The following AWAT1 variants were observed in gnomAD, a reference collection of about 807,000 sequenced individuals.
AWAT1 encodes diacyl-glycerol acyltransferase 2.
A neutral mutation model predicts 21.6 loss-of-function variants in AWAT1; 26 were observed. That is an observed-to-expected ratio of 1.20 (90% confidence interval 0.88 to 1.67). AWAT1 has a LOEUF of 1.67. AWAT1 is among the 40% of genes most tolerant of loss of function. AWAT1 has a pLI of 0.00. For synonymous variants in AWAT1, 102 were observed against 99.3 expected (o/e 1.03, Z -0.16); for missense variants, 264 against 249.4 (o/e 1.06, Z -0.39).
In AWAT1 at chrX:70,240,200, T is replaced by A. The variant is rs914258566; in HGVS notation, c.897T>A (p.His299Gln). The change falls in exon 7 of 7, where the codon CAT becomes CAA. Residue 299 changes from histidine (H) to glutamine (Q), a missense_variant. Coordinates refer to ENST00000374521, the MANE Select transcript of AWAT1 (RefSeq NM_001013579.3). ...KPSQEMVDKY[H>Q]ALYMDALHKL... is the part of the protein sequence containing the mutation. ...GCCAGGAGATGGTGGACAAATACCA[T>A]GCACTTTATATGGATGCTCTGCACA... 3.7e-5 allele frequency: 45 copies of A among 1,209,669 alleles called. No individual in the cohort carries two copies. The highest frequency in any genetic ancestry group is 5.0e-5 in the Non-Finnish European group (45 of 894,842).
At chrX:70,236,943 C>A (rs2085516797) in intron 3 of AWAT1, 101 bp from the exon 4 acceptor site, 7 of 764,854 alleles carry the variant, frequency 9.2e-6, no homozygotes, top group Non-Finnish European at 1.1e-5. Context: ...TGTTGGAAAG[C>A]TCTGCTTTAG....
At chrX:70,235,866 C>G (rs762667151) in intron 2 of AWAT1, 43 bp downstream of exon 2, 36 of 1,108,017 alleles carry the variant, frequency 3.2e-5, no homozygotes, top group South Asian at 9.2e-5. Context: ...CCATCATAAC[C>G]TGCAGCCAGA....
At chrX:70,239,019 A>T (rs2085527069) in intron 5 of AWAT1, among the ~76,000 whole-genome samples, 1 of 112,642 alleles carries the variant, frequency 8.9e-6, no homozygotes. Flanking sequence ...GTCGTATTGC[A>T]GACCTAGAGA....
At chrX:70,237,419 A>T in intron 4 of AWAT1, 171 bp downstream of exon 4, 1 of 466,228 alleles carries the variant, frequency 2.1e-6, no homozygotes, top group Non-Finnish European at 3.6e-6. Flanking sequence ...TCCTAGCTCT[A>T]CCACTTGTGT....
rs1379310925 is a variant in AWAT1 at position 70,240,426 on chromosome X, C to T, written c.*136C>T. ...AGGGCATGAGGAATTCCTTCTTTGC[C>T]TTCTTGCCACAGGGTCCTTACAGGA... On this transcript the variant is annotated 3_prime_UTR_variant, in exon 7 of 7. Coordinates refer to ENST00000374521, the MANE Select transcript of AWAT1 (RefSeq NM_001013579.3). 33 of 677,882 alleles carry T rather than the reference C, an allele frequency of 4.9e-5. No homozygotes were observed. The highest frequency in any genetic ancestry group is 6.3e-5 in the Non-Finnish European group (29 of 457,510). The allele number at this position is 677,882 out of a possible 1,213,427, so 55.9% of individuals were successfully genotyped here.
At position 70,240,519 on chromosome X, in the gene AWAT1, G is replaced by T. The variant is rs192408169; in HGVS notation, c.*229G>T. 106 of 379,620 alleles carry T rather than the reference G, an allele frequency of 2.8e-4. No homozygotes were observed. Among genetic ancestry groups the T allele is most frequent in the African/African-American group, 2.5e-3 (98 of 39,933 alleles). The allele number at this position is 379,620 out of a possible 1,213,427, so 31.3% of individuals were successfully genotyped here. On this transcript the variant is annotated 3_prime_UTR_variant, in exon 7 of 7. Coordinates refer to ENST00000374521, the MANE Select transcript of AWAT1 (RefSeq NM_001013579.3). ...GCATCCTAGTGCCCCTCATGCTGGG[G>T]CCTGATGCCTGGTCATCATTTGAGT...
rs1298341630 is a variant in AWAT1, at chrX:70,240,537, A to G, written c.*247A>G. ...TGCTGGGGCCTGATGCCTGGTCATC[A>G]TTTGAGTCCTCTGGGACACATTAGC... On this transcript the variant is annotated 3_prime_UTR_variant, in exon 7 of 7. Coordinates refer to ENST00000374521, the MANE Select transcript of AWAT1 (RefSeq NM_001013579.3). The G allele has an allele frequency of 8.2e-6, 3 of 367,410 alleles. No individual in the cohort carries two copies. Among genetic ancestry groups the G allele is most frequent in the South Asian group, 1.5e-4 (2 of 13,033 alleles). 30.3% of individuals were successfully genotyped at this position (367,410 alleles called of 1,213,427 possible).
Position 70,239,789 on chromosome X carries a change from G to A in AWAT1, c.687G>A (p.Val229=), listed in dbSNP as rs774470767. Residue 229 remains valine, a synonymous_variant, in exon 6 of 7, where the codon GTG becomes GTA. Coordinates refer to ENST00000374521, the MANE Select transcript of AWAT1 (RefSeq NM_001013579.3). ...TFGETEVYDQ[V]LFHKDSRMYK... The stretch of plus-strand genomic sequence containing the variant: ...GGGAAACTGAGGTGTATGATCAGGT[G>A]CTGTTCCATAAGGATAGCAGGATGT... 3.3e-6 allele frequency: 4 copies of A among 1,209,311 alleles called. No homozygotes were observed. The highest frequency in any genetic ancestry group is 4.5e-6 in the Non-Finnish European group (4 of 894,754).
rs1344775846 is a variant in AWAT1, at chrX:70,239,890, G to T, written c.788G>T (p.Gly263Val). 1 of 1,208,343 alleles carries T rather than the reference G, an allele frequency of 8.3e-7. No homozygotes were observed. Among genetic ancestry groups the T allele is most frequent in the East Asian group, 3.0e-5 (1 of 33,707 alleles). Residue 263 changes from glycine (G) to valine (V), a missense_variant, in exon 6 of 7, where the codon GGC becomes GTC. By Grantham distance (109) the Gly-to-Val change is moderately radical (BLOSUM62 -3). Coordinates refer to ENST00000374521, the MANE Select transcript of AWAT1 (RefSeq NM_001013579.3). The part of the protein sequence containing the change: ...CVFYGQSFCQ[G>V]STGLLPYSRP... The stretch of plus-strand genomic sequence containing the variant: ...TTCTATGGACAAAGCTTCTGTCAAG[G>T]CTCCACTGGGCTCCTGCCATACTCC...
intron 3 of AWAT1, among the ~76,000 whole-genome samples, chrX:70,236,440 G>T (rs2085514835): frequency 8.9e-6 from 1 of 111,920 alleles, no homozygotes; most frequent in African/African-American, 3.3e-5. Context: ...GAAATGAATA[G>T]GATGCAATTC....
At chrX:70,237,472 G>T (rs1339757951) in intron 4 of AWAT1, among the ~76,000 whole-genome samples, 2 of 109,560 alleles carry the variant, frequency 1.8e-5, no homozygotes, top group African/African-American at 6.7e-5. Flanking sequence ...CCATAAAGTG[G>T]TACAGATGAA....
chrX:70,239,054 C>G (rs2085527172), intron 5 of AWAT1, among the ~76,000 whole-genome samples: 1 of 112,226 alleles, frequency 8.9e-6, no homozygotes, highest in Non-Finnish European at 1.9e-5. Flanking sequence ...CTTCCAAGGA[C>G]CTTGCCTGAA....
chrX:70,239,250 T>C (rs2085527897), intron 5 of AWAT1, among the ~76,000 whole-genome samples: 1 of 112,419 alleles, frequency 8.9e-6, no homozygotes, highest in South Asian at 3.7e-4. Context: ...AGGTAACATA[T>C]GTCAAAGTGC....
Position 70,238,239 on chromosome X carries a change from T to G in AWAT1, c.488T>G (p.Ile163Ser). The change falls in exon 5 of 7, where the codon ATC (isoleucine) becomes AGC (serine). Residue 163 changes from isoleucine to serine, a missense_variant. Coordinates refer to ENST00000374521, the MANE Select transcript of AWAT1 (RefSeq NM_001013579.3). ...KGVCSVSQPAINYLLSHGTGN... is the reference protein window; with the variant it reads ...KGVCSVSQPASNYLLSHGTGN... ...GTGTGCTCTGTGAGCCAGCCAGCCA[T>G]CAACTATCTGCTGAGCCATGGCACT... is the stretch of plus-strand genomic sequence containing the variant. The G allele has an allele frequency of 8.3e-7, 1 of 1,209,328 alleles. No homozygotes were observed. The highest frequency in any genetic ancestry group is 1.1e-6 in the Non-Finnish European group (1 of 893,629).
chrX:70,234,796 A>G, intron 1 of AWAT1, 25 bp downstream of exon 1: 3 of 1,179,725 alleles, frequency 2.5e-6, no homozygotes, highest in Non-Finnish European at 3.5e-6. Flanking sequence ...AAGAGTGCAT[A>G]GCAAGAAGCC....
At chrX:70,235,288 A>G (rs1464166966) in intron 1 of AWAT1, among the ~76,000 whole-genome samples, 1 of 111,177 alleles carries the variant, frequency 9.0e-6, no homozygotes, top group Admixed American at 9.7e-5. Context: ...TACTAGAAGG[A>G]TGCAGATGCT....
At chrX:70,238,812 T>C (rs781039464) in intron 5 of AWAT1, among the ~76,000 whole-genome samples, 1 of 112,517 alleles carries the variant, frequency 8.9e-6, no homozygotes, top group Admixed American at 9.4e-5. Flanking sequence ...ATCTTAATGA[T>C]GTGGCTAAGA....
intron 5 of AWAT1, among the ~76,000 whole-genome samples, 188 bp downstream of exon 5, chrX:70,238,571 T>G (rs1296312081): frequency 1.8e-5 from 2 of 112,353 alleles, no homozygotes; most frequent in Non-Finnish European, 3.8e-5. Flanking sequence ...TAAACCCAGG[T>G]TCAATATCAA....
At position 70,235,772 on chromosome X, in the gene AWAT1, C is replaced by G. The variant is rs1301419879; in HGVS notation, c.133C>G (p.Pro45Ala). Residue 45 changes from proline (P) to alanine (A), a missense_variant, in exon 2 of 7, where the codon CCA (proline) becomes GCA (alanine). Coordinates refer to ENST00000374521, the MANE Select transcript of AWAT1 (RefSeq NM_001013579.3). Reference sequence around the variant, plus strand: ...GCTGTTTACATCCTTGTGGCCGCTACCAGTGCTTTACTTTGCCTGGTTGTT... The same window carrying G: ...GCTGTTTACATCCTTGTGGCCGCTAGCAGTGCTTTACTTTGCCTGGTTGTT... The part of the protein sequence containing the change: ...YLLFTSLWPL[P>A]VLYFAWLFLD... 1 of 1,208,829 alleles carries G rather than the reference C, an allele frequency of 8.3e-7. No individual in the cohort carries two copies. Among genetic ancestry groups the G allele is most frequent in the African/African-American group, 1.8e-5 (1 of 56,997 alleles).
Sources: gnomAD v4.1 joint callset for allele counts (sites outside exome capture counted in the v4.1 genomes callset) on GRCh38, gnomAD v4.1.1 for gene constraint, MANE v1.5 for transcripts, NCBI Gene and HGNC (gene_info 2026-07-23, HGNC 2026-07-21) for gene names.